Variants in CDX1 observed in about 807,000 individuals in gnomAD.
The protein encoded by CDX1 is homeobox protein CDX-1.
CDX1 carries 9 observed loss-of-function variants against 16.9 expected under a neutral mutation model. The observed-to-expected ratio is 0.53, with a 90% CI of 0.32 to 0.93. The LOEUF is 0.93. Among genes scored for constraint, CDX1 ranks in the 40% least tolerant of loss-of-function variants. The pLI, the probability that CDX1 is intolerant of heterozygous loss-of-function variation, is 0.04. For missense variants in CDX1, 393 were observed against 386.1 expected (o/e 1.02, Z -0.15); for synonymous variants, 179 against 179.0 (o/e 1.00, Z 0.00).
intron 1 of CDX1, among the ~76,000 whole-genome samples, chr5:150,172,562 ACACT>A (rs950840952): frequency 9.2e-5 from 14 of 152,310 alleles, no homozygotes; most frequent in African/African-American, 2.4e-4. Context: ...AAATAAAGAC[ACACT>A]CACGAAGGGG....
intron 2 of CDX1, 151 bp from the exon 3 acceptor site, chr5:150,183,323 C>T: frequency 1.6e-6 from 1 of 644,242 alleles, no homozygotes; most frequent in South Asian, 2.6e-5. Context: ...AGAATGAATT[C>T]AGGGTCCATG....
At chr5:150,179,294 C>G (rs1282351724) in intron 1 of CDX1, among the ~76,000 whole-genome samples, 1 of 152,178 alleles carries the variant, frequency 6.6e-6, no homozygotes, top group Admixed American at 6.5e-5. Flanking sequence ...CCAATGGGTT[C>G]CTGAGCCCAC....
At chr5:150,173,945 A>C (rs998925770) in intron 1 of CDX1, among the ~76,000 whole-genome samples, 2 of 152,208 alleles carry the variant, frequency 1.3e-5, no homozygotes, top group African/African-American at 2.4e-5. Flanking sequence ...CTGTTTATTG[A>C]GTTAAAGAAG....
rs774488660 is a variant in CDX1, at chr5:150,183,652, T to A, written c.770T>A (p.Met257Lys). ...AGCCTCCTGGCCACCTCCTCTCCAATGCCTGTGAAAGAGGAGTTTCTGCCA... is the reference window on the plus strand; with the variant it reads ...AGCCTCCTGGCCACCTCCTCTCCAAAGCCTGTGAAAGAGGAGTTTCTGCCA... Reference protein sequence around the residue: ...NTSLLATSSPMPVKEEFLP With the variant: ...NTSLLATSSPKPVKEEFLP Residue 257 changes from methionine (M) to lysine (K), a missense_variant, in exon 3 of 3, where the codon ATG becomes AAG. Met to Lys is a moderately conservative substitution (Grantham distance 95, BLOSUM62 -1). Coordinates refer to ENST00000231656, the MANE Select transcript of CDX1 (RefSeq NM_001804.3). 6.3e-7 allele frequency: 1 copy of A among 1,597,666 alleles called. No individual in the cohort carries two copies. Among genetic ancestry groups the A allele is most frequent in the Admixed American group, 1.7e-5 (1 of 58,316 alleles).
intron 1 of CDX1, among the ~76,000 whole-genome samples, chr5:150,168,304 C>T (rs900018059): frequency 5.3e-5 from 8 of 152,246 alleles, no homozygotes; most frequent in African/African-American, 1.9e-4. Flanking sequence ...CCTCCTCGCA[C>T]TCTTCACCCC....
At chr5:150,174,421 A>G (rs1350266761) in intron 1 of CDX1, among the ~76,000 whole-genome samples, 2 of 152,192 alleles carry the variant, frequency 1.3e-5, no homozygotes, top group Non-Finnish European at 2.9e-5. Flanking sequence ...AAGGATATAA[A>G]TGGGTGGCAG....
chr5:150,172,239 A>G (rs1447925788), intron 1 of CDX1, among the ~76,000 whole-genome samples: 1 of 152,354 alleles, frequency 6.6e-6, no homozygotes, highest in East Asian at 1.9e-4. Flanking sequence ...GACCATCTGT[A>G]GTCCCTCAAG....
chr5:150,172,815 C>G (rs142400535), intron 1 of CDX1, among the ~76,000 whole-genome samples: 79 of 152,316 alleles, frequency 5.2e-4, no homozygotes, highest in Non-Finnish European at 8.8e-4. Context: ...GTGTTTTCTC[C>G]CTGCTGCTTT....
rs1402626599 is a variant in CDX1, at chr5:150,167,223, T to A, written c.347T>A (p.Leu116His). The A allele has an allele frequency of 2.4e-6, 3 of 1,260,276 alleles. No individual in the cohort carries two copies. The highest frequency in any genetic ancestry group is 3.0e-6 in the Non-Finnish European group (3 of 1,007,624). 78.1% of individuals were successfully genotyped at this position (1,260,276 alleles called of 1,614,324 possible). ...GPGPGLLAQP[L>H]GGPGTPSSPG... ...GGCCCGGGCCTCCTGGCGCAGCCCCTCGGGGGCCCGGGCACACCGTCCTCG... is the reference window on the plus strand; with the variant it reads ...GGCCCGGGCCTCCTGGCGCAGCCCCACGGGGGCCCGGGCACACCGTCCTCG... Residue 116 changes from leucine to histidine, a missense_variant, in exon 1 of 3, where the codon CTC becomes CAC. Physicochemically the swap from Leu to His is moderately conservative, Grantham distance 99 (BLOSUM62 -3). Transcript: ENST00000231656.
rs1446169785 is a variant in CDX1 at position 150,167,289 on chromosome 5, G to A, written c.413G>A (p.Arg138His). ...CCGACGCCCTACGAGTGGATGCGGC[G>A]CAGCGTGGCGGCCGGAGGCGGCGGT... The part of the protein sequence containing the change: ...QRPTPYEWMR[R>H]SVAAGGGGGS... The change falls in exon 1 of 3, where the codon CGC becomes CAC. Residue 138 changes from arginine to histidine, a missense_variant. By Grantham distance (29) the Arg-to-His change is conservative. Transcript: ENST00000231656. 1 of 1,263,008 alleles carries A rather than the reference G, an allele frequency of 7.9e-7. No homozygotes were observed. Among genetic ancestry groups the A allele is most frequent in the Non-Finnish European group, 9.9e-7 (1 of 1,009,468 alleles). The allele number at this position is 1,263,008 out of a possible 1,614,324, so 78.2% of individuals were successfully genotyped here.
intron 1 of CDX1, among the ~76,000 whole-genome samples, chr5:150,182,245 C>T (rs756558721): frequency 6.6e-6 from 1 of 152,226 alleles, no homozygotes; most frequent in Non-Finnish European, 1.5e-5. Context: ...ATATCCCCTC[C>T]GTGTCTCCAG....
chr5:150,183,189 T>C (rs1752491487), intron 2 of CDX1, among the ~76,000 whole-genome samples: 1 of 152,052 alleles, frequency 6.6e-6, no homozygotes, highest in African/African-American at 2.4e-5. Context: ...CTATTTACAT[T>C]AGGGGAGCAG....
intron 1 of CDX1, among the ~76,000 whole-genome samples, chr5:150,171,497 G>A (rs367566504): frequency 5.9e-5 from 9 of 152,230 alleles, no homozygotes; most frequent in Middle Eastern, 3.4e-3. Context: ...TGTCATGCCC[G>A]GCTAATTTTT....
chr5:150,172,673 G>A (rs1331273438), intron 1 of CDX1, among the ~76,000 whole-genome samples: 4 of 152,276 alleles, frequency 2.6e-5, no homozygotes, highest in Middle Eastern at 3.4e-3. Context: ...GGGAGGAGGG[G>A]GCCCAGCAGG....
intron 1 of CDX1, among the ~76,000 whole-genome samples, chr5:150,170,654 C>A (rs888356299): frequency 6.6e-6 from 1 of 152,116 alleles, no homozygotes; most frequent in South Asian, 2.1e-4. Context: ...TTGGATGGTA[C>A]CCCAACTCAC....
chr5:150,181,951 C>T (rs141509186), intron 1 of CDX1, among the ~76,000 whole-genome samples: 123 of 152,262 alleles, frequency 8.1e-4, no homozygotes, highest in African/African-American at 2.9e-3. Flanking sequence ...GCAGACCAGC[C>T]TCCGGCCTCT....
intron 1 of CDX1, among the ~76,000 whole-genome samples, chr5:150,179,329 G>A (rs1761611410): frequency 2.0e-5 from 3 of 152,210 alleles, no homozygotes; most frequent in Non-Finnish European, 1.5e-5. Context: ...AGCCCAGAGA[G>A]GAGTGACAAG....
intron 1 of CDX1, among the ~76,000 whole-genome samples, chr5:150,178,069 T>C (rs989697909): frequency 1.3e-5 from 2 of 152,212 alleles, no homozygotes; most frequent in Admixed American, 6.5e-5. Context: ...TTGAGACCCA[T>C]TCTAGCGCCA....
chr5:150,169,116 G>C (rs920116482), intron 1 of CDX1, among the ~76,000 whole-genome samples: 7 of 152,132 alleles, frequency 4.6e-5, no homozygotes, highest in African/African-American at 1.7e-4. Context: ...GGAGATGAAT[G>C]GGGAGGTTCC....
Sources: gnomAD v4.1 joint callset for allele counts (sites outside exome capture counted in the v4.1 genomes callset) on GRCh38, gnomAD v4.1.1 for gene constraint, MANE v1.5 for transcripts, NCBI Gene and HGNC (gene_info 2026-07-23, HGNC 2026-07-21) for gene names.